Variants in LSAMP observed in about 807,000 individuals in gnomAD.
LSAMP encodes limbic system-associated membrane protein.
LSAMP carries 7 observed loss-of-function variants against 38.6 expected under a neutral mutation model. That is an observed-to-expected ratio of 0.18 (90% confidence interval 0.10 to 0.34). The LOEUF (loss-of-function observed/expected upper bound fraction) is 0.34. Ranked by LOEUF, LSAMP falls within the 10% of genes least tolerant of loss-of-function variation. LSAMP has a pLI of 1.00. For missense variants in LSAMP, 313 were observed against 420.0 expected (o/e 0.75, Z 2.23); for synonymous variants, 154 against 166.8 (o/e 0.92, Z 0.59).
intron 1 of LSAMP, among the ~76,000 whole-genome samples, chr3:116,135,934 A>C (rs1709238089): frequency 6.6e-6 from 1 of 152,156 alleles, no homozygotes; most frequent in Non-Finnish European, 1.5e-5. Flanking sequence ...TTGTGATATA[A>C]ATAGCCTTAA....
intron 6 of LSAMP, among the ~76,000 whole-genome samples, chr3:115,832,151 T>A (rs534884031): frequency 6.6e-6 from 1 of 152,260 alleles, no homozygotes; most frequent in East Asian, 1.9e-4. Context: ...GGGAAGATCC[T>A]CCAATGAGAG....
At chr3:115,968,010 A>G (rs1009649421) in intron 3 of LSAMP, among the ~76,000 whole-genome samples, 11 of 151,914 alleles carry the variant, frequency 7.2e-5, no homozygotes, top group African/African-American at 2.4e-4. Flanking sequence ...CCTGGCTACC[A>G]TTGATGTTCA....
At chr3:116,255,228 C>G (rs952239400) in intron 1 of LSAMP, among the ~76,000 whole-genome samples, 1 of 152,130 alleles carries the variant, frequency 6.6e-6, no homozygotes, top group Non-Finnish European at 1.5e-5. Flanking sequence ...AAGAACTCAA[C>G]AACTGAGTGC....
intron 1 of LSAMP, among the ~76,000 whole-genome samples, chr3:116,279,476 A>G (rs1468943320): frequency 6.6e-6 from 1 of 152,250 alleles, no homozygotes; most frequent in Non-Finnish European, 1.5e-5. Context: ...AGCCAGGTGT[A>G]GAAGAGTAGG....
chr3:116,148,581 T>G (rs2107524259), intron 1 of LSAMP, among the ~76,000 whole-genome samples: 1 of 152,116 alleles, frequency 6.6e-6, no homozygotes, highest in Non-Finnish European at 1.5e-5. Flanking sequence ...GAACCCGTAA[T>G]AAGTTCAAGG....
intron 3 of LSAMP, among the ~76,000 whole-genome samples, chr3:115,930,003 T>TTTTTTG (rs1937555565): frequency 2.7e-4 from 2 of 7,498 alleles, no homozygotes; most frequent in Non-Finnish European, 4.0e-4. Context: ...TTAGCAGAAG[T>TTTTTTG]TTTTTTTTTT....
chr3:116,152,715 C>A (rs2107528519), intron 1 of LSAMP, among the ~76,000 whole-genome samples: 1 of 152,138 alleles, frequency 6.6e-6, no homozygotes, highest in East Asian at 1.9e-4. Context: ...GAAAGAAGAT[C>A]ATGTGAGTTG....
chr3:116,373,215 A>G (rs950183696), intron 1 of LSAMP, among the ~76,000 whole-genome samples: 1 of 151,150 alleles, frequency 6.6e-6, no homozygotes, highest in Non-Finnish European at 1.5e-5. Context: ...TTTTATATAT[A>G]TGTATATATA....
At chr3:116,403,808 G>C (rs187596904) in intron 1 of LSAMP, among the ~76,000 whole-genome samples, 10 of 151,946 alleles carry the variant, frequency 6.6e-5, no homozygotes, top group South Asian at 6.2e-4. Flanking sequence ...TGGAGTGCAG[G>C]GGGGGTGATC....
intron 1 of LSAMP, among the ~76,000 whole-genome samples, chr3:116,178,869 G>A (rs1710416455): frequency 6.6e-6 from 1 of 152,156 alleles, no homozygotes; most frequent in Non-Finnish European, 1.5e-5. Flanking sequence ...TTCCTTTAGT[G>A]CTATATGATC....
At chr3:116,102,914 A>G (rs753626371) in intron 1 of LSAMP, among the ~76,000 whole-genome samples, 24 of 152,146 alleles carry the variant, frequency 1.6e-4, no homozygotes, top group Admixed American at 1.3e-3. Flanking sequence ...ATAATACATT[A>G]TTGTCTTTTA....
intron 1 of LSAMP, among the ~76,000 whole-genome samples, chr3:116,393,922 A>T (rs2048735954): frequency 6.6e-6 from 1 of 152,210 alleles, no homozygotes; most frequent in Non-Finnish European, 1.5e-5. Flanking sequence ...ACGACAAGGA[A>T]GCGAGGATTT....
intron 1 of LSAMP, among the ~76,000 whole-genome samples, chr3:116,289,460 C>A (rs968230956): frequency 2.0e-5 from 3 of 152,062 alleles, no homozygotes; most frequent in Non-Finnish European, 2.9e-5. Flanking sequence ...TTACAGCATG[C>A]CTTAGTTTGT....
At chr3:115,858,821 G>A (rs1417484026) in intron 3 of LSAMP, among the ~76,000 whole-genome samples, 1 of 152,076 alleles carries the variant, frequency 6.6e-6, no homozygotes, top group Non-Finnish European at 1.5e-5. Flanking sequence ...GAAAATTAAA[G>A]GAAAAAAGAT....
In LSAMP at chr3:115,898,598, C is replaced by CATATATATATATATAT. The variant is rs10527269; in HGVS notation, c.515-45997_515-45982dup. ...TGATTGCCTCATTTGCATGAAGATG[C>CATATATATATATATAT]ATATATATATATATATATATATATA... On this transcript the variant is annotated intron_variant, in intron 3 of 6. Coordinates refer to ENST00000490035, the MANE Select transcript of LSAMP (RefSeq NM_002338.5). Among the ~76,000 whole-genome samples, 105 of 142,024 alleles carry CATATATATATATATAT rather than the reference C, an allele frequency of 7.4e-4. 1 individual carries two copies. The highest frequency in any genetic ancestry group is 2.5e-3 in the African/African-American group (96 of 38,876). 93.2% of individuals were successfully genotyped at this position (142,024 alleles called of 152,430 possible).
intron 1 of LSAMP, among the ~76,000 whole-genome samples, chr3:116,216,085 T>G (rs2046215794): frequency 6.6e-6 from 1 of 152,208 alleles, no homozygotes; most frequent in South Asian, 2.1e-4. Flanking sequence ...CACCTATCCA[T>G]AGTTTCCAGT....
At chr3:116,120,042 A>C (rs1263736559) in intron 1 of LSAMP, among the ~76,000 whole-genome samples, 1 of 152,202 alleles carries the variant, frequency 6.6e-6, no homozygotes, top group African/African-American at 2.4e-5. Flanking sequence ...CTTAGGATAA[A>C]ATTTTATAAG....
intron 2 of LSAMP, among the ~76,000 whole-genome samples, chr3:116,072,750 T>C (rs1707640177): frequency 7.0e-6 from 1 of 142,564 alleles, no homozygotes; most frequent in South Asian, 2.3e-4. Context: ...GGGTTGTTTG[T>C]GGTTTTTTTT....
chr3:116,235,205 C>T (rs1482202553), intron 1 of LSAMP, among the ~76,000 whole-genome samples: 1 of 151,898 alleles, frequency 6.6e-6, no homozygotes, highest in Non-Finnish European at 1.5e-5. Context: ...ACTTTGAATA[C>T]CTGGGCTCAA....
Sources: allele counts gnomAD v4.1 joint callset (sites outside exome capture counted in the v4.1 genomes callset), GRCh38; gene constraint gnomAD v4.1.1; transcripts MANE v1.5; gene names NCBI Gene and HGNC (gene_info 2026-07-23, HGNC 2026-07-21).